FNBP1: variants seen among roughly 807,000 people sequenced by gnomAD.
FNBP1 encodes the protein formin-binding protein 1.
FNBP1 carries 26 observed loss-of-function variants against 90.6 expected under a neutral mutation model. The ratio of observed to expected loss-of-function variants is 0.29; its 90% CI spans 0.21 to 0.40. The LOEUF (loss-of-function observed/expected upper bound fraction) is 0.40, where lower values mean the gene tolerates loss of function less well. FNBP1 is among the 10% of genes least tolerant of loss of function. The pLI is 1.00. For synonymous variants in FNBP1, 260 were observed against 265.2 expected, an observed-to-expected ratio of 0.98 and a Z score of 0.19; for missense variants, 635 against 768.0, an observed-to-expected ratio of 0.83 and a Z score of 2.05.
intron 6 of FNBP1, among the ~76,000 whole-genome samples, chr9:129,936,123 C>T (rs1456052829): frequency 6.6e-6 from 1 of 152,118 alleles, no homozygotes; most frequent in African/African-American, 2.4e-5. Flanking sequence ...TTATAAATGC[C>T]CACCTTTTGT....
chr9:129,999,252 C>A (rs2054475773), intron 1 of FNBP1, among the ~76,000 whole-genome samples: 1 of 152,096 alleles, frequency 6.6e-6, no homozygotes, highest in Admixed American at 6.6e-5. Flanking sequence ...TCCCTTCCTG[C>A]CTGATGTCAC....
chr9:129,918,825 C>G (rs1367377322), intron 10 of FNBP1, among the ~76,000 whole-genome samples: 1 of 149,778 alleles, frequency 6.7e-6, no homozygotes, highest in Non-Finnish European at 1.5e-5. Context: ...TCTCAGACGG[C>G]AGTCACAGTC....
chr9:129,940,898 T>G (rs1375158624), intron 6 of FNBP1, among the ~76,000 whole-genome samples: 1 of 152,006 alleles, frequency 6.6e-6, no homozygotes, highest in African/African-American at 2.4e-5. Flanking sequence ...GTGCTGAGAT[T>G]ACAGGCGTGA....
intron 1 of FNBP1, among the ~76,000 whole-genome samples, chr9:130,020,499 C>T (rs959559229): frequency 6.6e-6 from 1 of 152,240 alleles, no homozygotes; most frequent in East Asian, 1.9e-4. Flanking sequence ...AGTGAGCCAG[C>T]GTGCCCAGCT....
chr9:129,912,767 T>G (rs2039558152), intron 11 of FNBP1, among the ~76,000 whole-genome samples: 1 of 151,716 alleles, frequency 6.6e-6, no homozygotes, highest in African/African-American at 2.4e-5. Flanking sequence ...TGAGCCTTGC[T>G]ATGTGCTGTG....
intron 11 of FNBP1, among the ~76,000 whole-genome samples, chr9:129,914,755 GTCTATATATATATATATATATATATA>G (rs1271094056): frequency 9.1e-5 from 9 of 98,436 alleles, no homozygotes; most frequent in Admixed American, 6.0e-4. Flanking sequence ...ACATACATAT[GTCTATATATATATATATATATATATA>G]TATATATATA....
intron 1 of FNBP1, among the ~76,000 whole-genome samples, chr9:130,022,773 G>T (rs769259095): frequency 1.3e-5 from 2 of 151,948 alleles, no homozygotes; most frequent in Non-Finnish European, 2.9e-5. Flanking sequence ...CCTCAGGCTC[G>T]GGTGATCATC....
chr9:129,903,107 A>G (rs2037276107), intron 12 of FNBP1, 106 bp from the exon 13 acceptor site: 18 of 1,101,706 alleles, frequency 1.6e-5, no homozygotes, highest in Non-Finnish European at 2.2e-5. Flanking sequence ...ATCTCGGCTC[A>G]CTGCAACGAT....
intron 6 of FNBP1, among the ~76,000 whole-genome samples, chr9:129,930,645 G>T (rs971891360): frequency 6.6e-6 from 1 of 151,898 alleles, no homozygotes; most frequent in African/African-American, 2.4e-5. Flanking sequence ...CCTAAAAAAG[G>T]GGCAACAATT....
chr9:130,038,768 A>C (rs189728643), intron 1 of FNBP1, among the ~76,000 whole-genome samples: 18 of 152,286 alleles, frequency 1.2e-4, no homozygotes, highest in African/African-American at 4.3e-4. Flanking sequence ...TCTTGTACAT[A>C]CTTCATTTCT....
intron 3 of FNBP1, 64 bp from the exon 4 acceptor site, chr9:129,978,676 A>T: frequency 6.7e-7 from 1 of 1,498,188 alleles, no homozygotes; most frequent in East Asian, 2.3e-5. Context: ...ATTCTGCTTT[A>T]CACCAAGAAA....
rs1015052218 is a variant in FNBP1, at chr9:129,889,728, G to A, written c.*811C>T. ...GCATGATCTACAGTTCTCAGGGACA[G>A]GAAAGTGATGGGGAGGACAGGCGTG... On this transcript the variant is annotated 3_prime_UTR_variant, in exon 17 of 17. Transcript: ENST00000446176. 8 of 232,326 alleles carry A rather than the reference G, an allele frequency of 3.4e-5. No homozygotes were observed. The East Asian group carries it at 4.8e-4, about 14-fold the overall frequency. 14.4% of individuals were successfully genotyped at this position (232,326 alleles called of 1,614,324 possible). A position where few individuals can be genotyped will look rare whatever the true frequency, so the allele number is the denominator to read the frequency against.
chr9:129,900,028 C>A lies in FNBP1; in HGVS notation c.1624G>T (p.Glu542Ter). ...MKVLATDFDD[E>*]FDDEEPLPAI... ...GGGAGGGGCTCCTCATCATCAAACT[C>A]GTCGTCAAAATCCGTGGCCAGCACC... is the stretch of plus-strand genomic sequence containing the variant. The change falls in exon 15 of 17, where the codon GAG becomes TAG. Residue 542 changes from glutamate to a stop codon, truncating the protein, a stop_gained. Coordinates refer to ENST00000446176, the MANE Select transcript of FNBP1 (RefSeq NM_015033.3). LOFTEE classifies it high-confidence loss of function. The surrounding 1 kb of genome is among the most constrained non-coding windows in gnomAD (Gnocchi z 4.1). 1 of 1,613,606 alleles carries A rather than the reference C, an allele frequency of 6.2e-7. No individual in the cohort carries two copies. Among genetic ancestry groups the A allele is most frequent in the Non-Finnish European group, 8.5e-7 (1 of 1,179,702 alleles).
intron 15 of FNBP1, among the ~76,000 whole-genome samples, chr9:129,898,713 C>A (rs2036265528): frequency 6.6e-6 from 1 of 152,068 alleles, no homozygotes; most frequent in Non-Finnish European, 1.5e-5. Flanking sequence ...TGGTCTCGAT[C>A]TCCTGACCTC....
At chr9:129,989,610 G>A (rs76001074) in intron 2 of FNBP1, among the ~76,000 whole-genome samples, 10,040 of 152,250 alleles carry the variant, frequency 0.066, 444 homozygotes, top group Admixed American at 0.12. Context: ...GAGACAATGC[G>A]CAGTAAATAT....
At chr9:129,985,831 A>G (rs1334953573) in intron 2 of FNBP1, among the ~76,000 whole-genome samples, 2 of 151,996 alleles carry the variant, frequency 1.3e-5, no homozygotes, top group African/African-American at 2.4e-5. Context: ...GTGTGGTGGC[A>G]CATGCCTGTA....
At chr9:129,959,449 C>T (rs941913256) in intron 4 of FNBP1, among the ~76,000 whole-genome samples, 3 of 151,832 alleles carry the variant, frequency 2.0e-5, no homozygotes, top group Non-Finnish European at 2.9e-5. Flanking sequence ...ATCAGCCAGG[C>T]GTGGTGGTGC....
At chr9:129,949,975 C>T (rs2045921967) in intron 6 of FNBP1, among the ~76,000 whole-genome samples, 1 of 152,052 alleles carries the variant, frequency 6.6e-6, no homozygotes, top group Admixed American at 6.6e-5. Context: ...GTGTGGCTGG[C>T]TGCTAGAAAA....
chr9:130,018,662 C>T (rs1564588680), intron 1 of FNBP1, among the ~76,000 whole-genome samples: 1 of 152,060 alleles, frequency 6.6e-6, no homozygotes, highest in Admixed American at 6.6e-5. Flanking sequence ...AGGCTGGTCT[C>T]GAACTCCTGA....
Sources: allele counts gnomAD v4.1 joint callset (sites outside exome capture counted in the v4.1 genomes callset), GRCh38; gene constraint gnomAD v4.1.1; non-coding constraint Gnocchi (gnomAD v3.1); transcripts MANE v1.5; gene names NCBI Gene and HGNC (gene_info 2026-07-23, HGNC 2026-07-21).